The following ZC3H18 variants were observed in gnomAD, a reference collection of about 807,000 sequenced individuals.
The protein encoded by ZC3H18 is zinc finger CCCH domain-containing protein 18.
Under a neutral mutation model 106.1 loss-of-function variants are expected in ZC3H18, and 8 were observed. The observed-to-expected ratio is 0.08, with a 90% confidence interval of 0.04 to 0.14. The LOEUF is 0.14. ZC3H18 is among the 10% of genes least tolerant of loss of function. The pLI is 1.00. For synonymous variants in ZC3H18, 635 were observed against 522.1 expected (o/e 1.22, Z -2.95); for missense variants, 1,318 against 1,278.4 (o/e 1.03, Z -0.47).
At chr16:88,589,079 G>A (rs1915598370) in intron 3 of ZC3H18, among the ~76,000 whole-genome samples, 1 of 152,164 alleles carries the variant, frequency 6.6e-6, no homozygotes, top group Non-Finnish European at 1.5e-5. Context: ...GGACTTAAAT[G>A]TTTCTGCCTA....
Position 88,631,507 on chromosome 16 carries a change from C to T in ZC3H18, c.*208C>T. 1 of 680,986 alleles carries T rather than the reference C, an allele frequency of 1.5e-6. No homozygotes were observed. The highest frequency in any genetic ancestry group is 2.6e-6 in the Non-Finnish European group (1 of 385,924). The allele number at this position is 680,986 out of a possible 1,614,324, so 42.2% of individuals were successfully genotyped here. The stretch of plus-strand genomic sequence containing the variant: ...TCCCCAGAGCAGAAGTCCCGCAGGA[C>T]AGACAGACACAGACAGCGCTAGTGA... On this transcript the variant is annotated 3_prime_UTR_variant, in exon 18 of 18. Transcript: ENST00000301011.
chr16:88,628,848 G>T lies in ZC3H18; in HGVS notation c.2560G>T (p.Asp854Tyr). 1 of 1,614,042 alleles carries T rather than the reference G, an allele frequency of 6.2e-7. No individual in the cohort carries two copies. The highest frequency in any genetic ancestry group is 8.5e-7 in the Non-Finnish European group (1 of 1,179,960). ...PPAKRPNTSP[D>Y]RGSRDRKSGG... ...AGCCAAGCGGCCCAACACATCCCCAGACCGAGGTGAGCCTCCCAGCCCCTA... is the reference window on the plus strand; with the variant it reads ...AGCCAAGCGGCCCAACACATCCCCATACCGAGGTGAGCCTCCCAGCCCCTA... The change falls in exon 16 of 18, where the codon GAC (aspartate) becomes TAC (tyrosine). Residue 854 changes from aspartate to tyrosine, a missense_variant. Coordinates refer to ENST00000301011, the MANE Select transcript of ZC3H18 (RefSeq NM_144604.4).
chr16:88,603,943 A>AAAT (rs753549010), intron 6 of ZC3H18, among the ~76,000 whole-genome samples: 7 of 151,670 alleles, frequency 4.6e-5, no homozygotes, highest in East Asian at 3.9e-4. Context: ...CCATTTCTTA[A>AAAT]AATAATAATA....
At position 88,627,757 on chromosome 16, in the gene ZC3H18, C is replaced by G. The variant is rs1227876551; in HGVS notation, c.2244C>G (p.Ala748=). 1 of 1,612,592 alleles carries G rather than the reference C, an allele frequency of 6.2e-7. No homozygotes were observed. The highest frequency in any genetic ancestry group is 2.2e-5 in the East Asian group (1 of 44,842). ...PVSSASSRSP[A]PAQTRKEKGK... ...CCTCAGCCAGCTCTCGGTCCCCGGCCCCAGCCCAGACCAGGAAGGAGAAAG... is the reference window on the plus strand; with the variant it reads ...CCTCAGCCAGCTCTCGGTCCCCGGCGCCAGCCCAGACCAGGAAGGAGAAAG... The change falls in exon 14 of 18, where the codon GCC becomes GCG. Residue 748 remains alanine (A), a synonymous_variant. Transcript: ENST00000301011. The surrounding 1 kb of genome is among the most constrained non-coding windows in gnomAD (Gnocchi z 4.5).
chr16:88,628,044 G>A lies in ZC3H18; in HGVS notation c.2394G>A (p.Gln798=). The A allele has an allele frequency of 2.5e-6, 4 of 1,614,126 alleles. No individual in the cohort carries two copies. Among genetic ancestry groups the A allele is most frequent in the Non-Finnish European group, 3.4e-6 (4 of 1,180,018 alleles). ...CCTCCCAGCAGCCCTCGACACCCCAGCAGGCACCCCCCGGGCAGCCCCAGC... is the reference window on the plus strand; with the variant it reads ...CCTCCCAGCAGCCCTCGACACCCCAACAGGCACCCCCCGGGCAGCCCCAGC... ...GKSSQQPSTP[Q]QAPPGQPQQG... Residue 798 remains glutamine (Q), a synonymous_variant, in exon 15 of 18, where the codon CAG becomes CAA. Transcript: ENST00000301011.
chr16:88,623,777 TG>T, intron 10 of ZC3H18, 180 bp from the exon 11 acceptor site: 1 of 1,178,882 alleles, frequency 8.5e-7, no homozygotes, highest in Non-Finnish European at 1.1e-6. Context: ...CCACGCTCTC[TG>T]GTCTACTCTG....
At chr16:88,583,375 TTGC>T (rs1482389332) in intron 2 of ZC3H18, among the ~76,000 whole-genome samples, 2 of 152,260 alleles carry the variant, frequency 1.3e-5, no homozygotes, top group African/African-American at 2.4e-5. Context: ...TGCTGAGCAC[TTGC>T]TGCTCATGTT....
At chr16:88,598,826 G>A (rs1904592272) in intron 5 of ZC3H18, 114 bp downstream of exon 5, 1 of 930,764 alleles carries the variant, frequency 1.1e-6, no homozygotes, top group Admixed American at 2.8e-5. Context: ...CTGAAGTTAG[G>A]CGTCTGTTTC....
chr16:88,624,187 GC>G, intron 11 of ZC3H18, 125 bp downstream of exon 11: 2 of 1,348,038 alleles, frequency 1.5e-6, no homozygotes, highest in Non-Finnish European at 2.0e-6. Flanking sequence ...CAGGGGGCTG[GC>G]CCCAGGGGGT....
intron 8 of ZC3H18, among the ~76,000 whole-genome samples, chr16:88,618,756 A>G (rs1368697279): frequency 2.0e-5 from 3 of 152,282 alleles, no homozygotes; most frequent in South Asian, 2.1e-4. Context: ...GGGAAAGGCT[A>G]CTTCCTCAGT....
chr16:88,628,167 G>C lies in ZC3H18; in HGVS notation c.2469+48G>C, dbSNP rs778806861. 2.5e-6 allele frequency: 4 copies of C among 1,592,510 alleles called. No individual in the cohort carries two copies. In the South Asian group the frequency reaches 4.5e-5, roughly 18 times the overall value. On this transcript the variant is annotated intron_variant, in intron 15 of 17. Transcript: ENST00000301011. The stretch of plus-strand genomic sequence containing the variant: ...TGGCTGCCCCAGCGTCTAGGCCTGG[G>C]TCCATCTGCTTCCTGAGACAGCTTC...
intron 1 of ZC3H18, chr16:88,571,618 G>C (rs1567572392): frequency 1.0e-6 from 1 of 985,324 alleles, no homozygotes; most frequent in East Asian, 1.1e-4. Context: ...TTGTAGGTGG[G>C]ACATGCTGAA....
Position 88,611,398 on chromosome 16 carries a change from G to A in ZC3H18, c.1337G>A (p.Arg446Gln), listed in dbSNP as rs753104927. The A allele has an allele frequency of 4.1e-6, 5 of 1,223,582 alleles. No individual in the cohort carries two copies. Among genetic ancestry groups the A allele is most frequent in the South Asian group, 2.6e-5 (2 of 77,576 alleles). The allele number at this position is 1,223,582 out of a possible 1,614,324, so 75.8% of individuals were successfully genotyped here. Reference sequence around the variant, plus strand: ...CGGGAGCGCGAGCGCGACAAGGAGCGGCAGCGGAGGAAGGAGGAGTGGGAG... The same window carrying A: ...CGGGAGCGCGAGCGCGACAAGGAGCAGCAGCGGAGGAAGGAGGAGTGGGAG... Reference protein sequence around the residue: ...RERERERDKERQRRKEEWERE... With the variant: ...RERERERDKEQQRRKEEWERE... Residue 446 changes from arginine (R) to glutamine (Q), a missense_variant, in exon 8 of 18, where the codon CGG (arginine) becomes CAG (glutamine). By Grantham distance (43) the Arg-to-Gln change is conservative (BLOSUM62 1). Coordinates refer to ENST00000301011, the MANE Select transcript of ZC3H18 (RefSeq NM_144604.4).
chr16:88,593,076 A>C (rs1295925545), intron 3 of ZC3H18, among the ~76,000 whole-genome samples: 19 of 152,240 alleles, frequency 1.2e-4, no homozygotes, highest in Non-Finnish European at 1.6e-4. Flanking sequence ...GAGCAATTGT[A>C]ATAAAAATGT....
intron 8 of ZC3H18, among the ~76,000 whole-genome samples, chr16:88,615,973 G>A (rs1033722328): frequency 2.6e-5 from 4 of 152,222 alleles, no homozygotes; most frequent in African/African-American, 7.2e-5. Context: ...TTAGTGACCC[G>A]CGGAATGGGA....
At chr16:88,578,074 A>G (rs1914874666) in intron 2 of ZC3H18, among the ~76,000 whole-genome samples, 1 of 152,222 alleles carries the variant, frequency 6.6e-6, no homozygotes, top group African/African-American at 2.4e-5. Flanking sequence ...GCCGTCTTCA[A>G]GTGATACTCA....
At position 88,624,588 on chromosome 16, in the gene ZC3H18, T is replaced by A; in HGVS notation, c.1899-14T>A. 1 of 1,611,486 alleles carries A rather than the reference T, an allele frequency of 6.2e-7. No homozygotes were observed. The stretch of plus-strand genomic sequence containing the variant: ...CCACCAGCCCTGCCCTGCTCGAGCC[T>A]CCCTGTCTCACAGAGAGAAGTCAGT... On this transcript the variant is annotated splice_polypyrimidine_tract_variant and intron_variant, in intron 11 of 17. Transcript: ENST00000301011.
chr16:88,608,870 C>G, intron 6 of ZC3H18, 64 bp from the exon 7 acceptor site: 2 of 1,335,876 alleles, frequency 1.5e-6, no homozygotes, highest in Admixed American at 3.6e-5. Context: ...CCTAATGTTT[C>G]GTGTGGTCTT....
intron 2 of ZC3H18, among the ~76,000 whole-genome samples, chr16:88,580,539 T>A (rs1240917868): frequency 3.3e-5 from 5 of 152,166 alleles, no homozygotes; most frequent in Non-Finnish European, 1.5e-5. Flanking sequence ...CTCCGGCTGC[T>A]TCCAGCTTTT....
Sources: allele counts gnomAD v4.1 joint callset (sites outside exome capture counted in the v4.1 genomes callset), GRCh38; gene constraint gnomAD v4.1.1; non-coding constraint Gnocchi (gnomAD v3.1); transcripts MANE v1.5; gene names NCBI Gene and HGNC (gene_info 2026-07-23, HGNC 2026-07-21).